CNTNAP2: variants seen among roughly 807,000 people sequenced by gnomAD.
CNTNAP2 encodes contactin associated protein 2.
In CNTNAP2, 98 loss-of-function variants were observed where a neutral mutation model predicts 155.2. The observed-to-expected ratio is 0.63, with a 90% confidence interval of 0.54 to 0.75. The LOEUF (loss-of-function observed/expected upper bound fraction) is 0.75. CNTNAP2 is among the 30% of genes least tolerant of loss of function. CNTNAP2 has a pLI of 0.00. For synonymous variants in CNTNAP2, 651 were observed against 631.2 expected (o/e 1.03, Z -0.47); for missense variants, 1,727 against 1,688.1 (o/e 1.02, Z -0.40).
intron 1 of CNTNAP2, among the ~76,000 whole-genome samples, chr7:146,760,582 G>A (rs1045114855): frequency 4.0e-5 from 6 of 151,152 alleles, no homozygotes; most frequent in East Asian, 1.9e-4. Flanking sequence ...ACACCATCAC[G>A]CCTGGCTAAT....
chr7:147,720,935 AGG>A (rs1796558177), intron 13 of CNTNAP2, among the ~76,000 whole-genome samples: 3 of 152,106 alleles, frequency 2.0e-5, no homozygotes, highest in Non-Finnish European at 4.4e-5. Flanking sequence ...TGTGAGTTAT[AGG>A]GTGGCTTGGT....
At chr7:148,127,585 C>T (rs1227264607) in intron 16 of CNTNAP2, among the ~76,000 whole-genome samples, 1 of 152,316 alleles carries the variant, frequency 6.6e-6, no homozygotes, top group East Asian at 1.9e-4. Context: ...GTTCAAGATG[C>T]AGCCTTATGC....
intron 15 of CNTNAP2, among the ~76,000 whole-genome samples, chr7:147,997,779 G>A (rs928047778): frequency 9.2e-5 from 14 of 152,142 alleles, no homozygotes; most frequent in Non-Finnish European, 5.9e-5. Context: ...CTAAGGAGGT[G>A]AAAAGAGGTG....
At chr7:148,108,203 A>G (rs977737737) in intron 15 of CNTNAP2, among the ~76,000 whole-genome samples, 1 of 152,134 alleles carries the variant, frequency 6.6e-6, no homozygotes, top group Non-Finnish European at 1.5e-5. Flanking sequence ...TTCAAATGCA[A>G]TCATGTCCAT....
At chr7:147,709,749 G>T (rs1330029023) in intron 13 of CNTNAP2, among the ~76,000 whole-genome samples, 1 of 152,068 alleles carries the variant, frequency 6.6e-6, no homozygotes, top group African/African-American at 2.4e-5. Flanking sequence ...ATGTCTGATT[G>T]CCATCTCCAA....
intron 3 of CNTNAP2, among the ~76,000 whole-genome samples, chr7:147,025,070 G>A (rs962210971): frequency 4.0e-5 from 6 of 151,356 alleles, no homozygotes; most frequent in Non-Finnish European, 7.4e-5. Context: ...GATCACTTGA[G>A]GTCAGGAGTT....
At chr7:147,048,126 G>A (rs576559056) in intron 4 of CNTNAP2, among the ~76,000 whole-genome samples, 6 of 139,754 alleles carry the variant, frequency 4.3e-5, no homozygotes, top group Admixed American at 1.5e-4. Flanking sequence ...TCAGGCTGGA[G>A]TGCAGTGGCG....
chr7:147,613,521 CT>C (rs1308328943), intron 12 of CNTNAP2, among the ~76,000 whole-genome samples: 1 of 152,072 alleles, frequency 6.6e-6, no homozygotes, highest in Non-Finnish European at 1.5e-5. Flanking sequence ...CATTAGAGTG[CT>C]TTTCTTACAC....
At chr7:146,789,291 A>G (rs758252469) in intron 2 of CNTNAP2, among the ~76,000 whole-genome samples, 1 of 152,164 alleles carries the variant, frequency 6.6e-6, no homozygotes, top group Non-Finnish European at 1.5e-5. Flanking sequence ...TTTGAATAAT[A>G]TTTGAGTTGG....
chr7:148,058,340 G>A (rs1803063114), intron 15 of CNTNAP2, among the ~76,000 whole-genome samples: 1 of 152,138 alleles, frequency 6.6e-6, no homozygotes, highest in Non-Finnish European at 1.5e-5. Context: ...GTTTATGCCA[G>A]TGGGGAGAAA....
At chr7:148,274,668 C>A (rs1206007268) in intron 21 of CNTNAP2, among the ~76,000 whole-genome samples, 2 of 152,218 alleles carry the variant, frequency 1.3e-5, no homozygotes, top group Non-Finnish European at 2.9e-5. Context: ...TCATAAGCTT[C>A]CTGAGGCCTC....
At chr7:148,198,363 T>C (rs1189142308) in intron 18 of CNTNAP2, among the ~76,000 whole-genome samples, 1 of 152,240 alleles carries the variant, frequency 6.6e-6, no homozygotes, top group African/African-American at 2.4e-5. Context: ...ATTGTGACCA[T>C]GTGACCTGTG....
chr7:148,379,676 C>A (rs1041354145), intron 21 of CNTNAP2, among the ~76,000 whole-genome samples: 3 of 152,178 alleles, frequency 2.0e-5, no homozygotes, highest in African/African-American at 7.2e-5. Flanking sequence ...TTGTGCCTTG[C>A]ACTCCAGCCT....
At chr7:146,488,688 C>T (rs1797094931) in intron 1 of CNTNAP2, among the ~76,000 whole-genome samples, 1 of 152,068 alleles carries the variant, frequency 6.6e-6, no homozygotes, top group Non-Finnish European at 1.5e-5. Context: ...TGTACAGTGC[C>T]ATGATTTTGG....
At chr7:146,152,867 T>G (rs1798072257) in intron 1 of CNTNAP2, among the ~76,000 whole-genome samples, 1 of 152,078 alleles carries the variant, frequency 6.6e-6, no homozygotes, top group South Asian at 2.1e-4. Flanking sequence ...AACAGGAAAT[T>G]GTTCTGAAAG....
intron 13 of CNTNAP2, among the ~76,000 whole-genome samples, chr7:147,850,718 T>C (rs564650248): frequency 1.3e-5 from 2 of 152,200 alleles, no homozygotes; most frequent in Admixed American, 1.3e-4. Context: ...TGGCTAGCCA[T>C]ATGTAGAAAG....
chr7:146,273,889 A>G (rs1306175335), intron 1 of CNTNAP2, among the ~76,000 whole-genome samples: 1 of 152,152 alleles, frequency 6.6e-6, no homozygotes, highest in African/African-American at 2.4e-5. Flanking sequence ...AAATGTAAAT[A>G]CTATAAAAAT....
chr7:147,692,875 T>G (rs935286411), intron 13 of CNTNAP2, among the ~76,000 whole-genome samples: 2 of 152,072 alleles, frequency 1.3e-5, no homozygotes, highest in African/African-American at 4.8e-5. Flanking sequence ...ATTTTTTCCC[T>G]AAAGTGTGCC....
At chr7:148,065,172 A>G (rs574364751) in intron 15 of CNTNAP2, among the ~76,000 whole-genome samples, 18 of 152,126 alleles carry the variant, frequency 1.2e-4, no homozygotes, top group East Asian at 3.9e-4. Context: ...TATAATTTCA[A>G]TTTTCTTAAA....
Sources: gnomAD v4.1 joint callset for allele counts (sites outside exome capture counted in the v4.1 genomes callset) on GRCh38, gnomAD v4.1.1 for gene constraint, MANE v1.5 for transcripts, NCBI Gene and HGNC (gene_info 2026-07-23, HGNC 2026-07-21) for gene names.